JARID2: variants seen among roughly 807,000 people sequenced by gnomAD.
The protein encoded by JARID2 is jumonji and AT-rich interaction domain containing 2.
JARID2 carries 21 observed loss-of-function variants against 125.6 expected under a neutral mutation model. That is an observed-to-expected ratio of 0.17 (90% CI 0.12 to 0.24). The LOEUF is 0.24. Among genes scored for constraint, JARID2 ranks in the 10% least tolerant of loss-of-function variants. The probability of loss-of-function intolerance (pLI) is 1.00; values close to 1 mark genes in which losing one functional copy is unlikely to be tolerated. For missense variants in JARID2, 1,303 were observed against 1,639.6 expected (o/e 0.79, Z 3.55); for synonymous variants, 736 against 661.6 (o/e 1.11, Z -1.73).
intron 6 of JARID2, among the ~76,000 whole-genome samples, chr6:15,492,707 T>A (rs1770212081): frequency 6.6e-6 from 1 of 152,174 alleles, no homozygotes; most frequent in African/African-American, 2.4e-5. Flanking sequence ...AGCTCCCCTG[T>A]GGCCTCTCGT....
At chr6:15,355,496 GGTTA>G (rs1229828981) in intron 1 of JARID2, among the ~76,000 whole-genome samples, 2 of 152,024 alleles carry the variant, frequency 1.3e-5, no homozygotes, top group South Asian at 2.1e-4. Context: ...TTTGATTTTA[GGTTA>G]GTTGATTTAT....
intron 1 of JARID2, among the ~76,000 whole-genome samples, chr6:15,322,281 C>T (rs1418292586): frequency 1.3e-5 from 2 of 152,214 alleles, no homozygotes; most frequent in African/African-American, 4.8e-5. Context: ...GGCTTCTGTG[C>T]TTCTGATTCT....
intron 2 of JARID2, among the ~76,000 whole-genome samples, chr6:15,377,696 C>CTT (rs113284171): frequency 2.1e-5 from 3 of 146,094 alleles, no homozygotes; most frequent in African/African-American, 2.5e-5. Flanking sequence ...CATGGTGGCA[C>CTT]TTTTTTTTTT....
intron 1 of JARID2, among the ~76,000 whole-genome samples, chr6:15,320,385 G>C (rs1001454828): frequency 6.6e-6 from 1 of 152,238 alleles, no homozygotes; most frequent in Non-Finnish European, 1.5e-5. Flanking sequence ...TTCGTAGAAT[G>C]TAAGTGTGAG....
At chr6:15,309,402 CTAGGAATT>C (rs1761940942) in intron 1 of JARID2, among the ~76,000 whole-genome samples, 1 of 151,916 alleles carries the variant, frequency 6.6e-6, no homozygotes, top group Admixed American at 6.6e-5. Context: ...CACCCTGCTT[CTAGGAATT>C]TGGCCACAAG....
chr6:15,406,042 G>A (rs894658432), intron 2 of JARID2, among the ~76,000 whole-genome samples: 1 of 152,170 alleles, frequency 6.6e-6, no homozygotes, highest in Non-Finnish European at 1.5e-5. Flanking sequence ...AAATGTAAAT[G>A]TTTTCTGGGC....
chr6:15,470,036 G>C (rs1487070714), intron 5 of JARID2, among the ~76,000 whole-genome samples: 2 of 152,032 alleles, frequency 1.3e-5, no homozygotes, highest in African/African-American at 2.4e-5. Flanking sequence ...AATTAGCCGG[G>C]CATGGTGGTG....
At chr6:15,361,100 GT>G (rs1228199321) in intron 1 of JARID2, among the ~76,000 whole-genome samples, 3 of 152,186 alleles carry the variant, frequency 2.0e-5, no homozygotes, top group African/African-American at 7.2e-5. Flanking sequence ...TTCAGTGGAG[GT>G]GACTCCATTT....
At chr6:15,417,255 G>A (rs1336521931) in intron 3 of JARID2, among the ~76,000 whole-genome samples, 1 of 152,156 alleles carries the variant, frequency 6.6e-6, no homozygotes, top group Non-Finnish European at 1.5e-5. Context: ...GGGCCAGGCT[G>A]TGTGACTTCT....
chr6:15,356,108 C>G lies in JARID2; in HGVS notation c.46-18009C>G, dbSNP rs141013121. Among the ~76,000 whole-genome samples, 729 of 152,324 alleles carry G rather than the reference C, an allele frequency of 4.8e-3. 7 individuals carry two copies. Among genetic ancestry groups the G allele is most frequent in the African/African-American group, 0.016 (673 of 41,566 alleles). On this transcript the variant is annotated intron_variant, in intron 1 of 17. Transcript: ENST00000341776. ...CCTCTCTGCCTCCCTGTTTCCCTAG[C>G]TATGTTTTCAAGGTTCATCCACGCT... is the stretch of plus-strand genomic sequence containing the variant.
chr6:15,455,803 C>T (rs1581589145), intron 4 of JARID2, among the ~76,000 whole-genome samples: 1 of 152,352 alleles, frequency 6.6e-6, no homozygotes, highest in East Asian at 1.9e-4. Context: ...GCTGGGATTA[C>T]AGGCATGAGT....
In JARID2 at chr6:15,248,838, G is replaced by C. The variant is rs897110527; in HGVS notation, c.45+2254G>C. 15 of 892,394 alleles carry C rather than the reference G, an allele frequency of 1.7e-5. No individual in the cohort carries two copies. In the South Asian group the frequency reaches 6.1e-4, roughly 36 times the overall value. 55.3% of individuals were successfully genotyped at this position (892,394 alleles called of 1,614,324 possible). A position where few individuals can be genotyped will look rare whatever the true frequency, so the allele number is the denominator to read the frequency against. On this transcript the variant is annotated intron_variant, in intron 1 of 17. Coordinates refer to ENST00000341776, the MANE Select transcript of JARID2 (RefSeq NM_004973.4). ...GAGGCTCCAGGCGCGGCGGGGCGGC[G>C]GGGGGAGGAGGGAGCTGGGCGGGGG...
Position 15,374,202 on chromosome 6 carries a change from A to C in JARID2, c.131A>C (p.Gln44Pro). Residue 44 changes from glutamine (Q) to proline (P), a missense_variant, in exon 2 of 18, where the codon CAG becomes CCG. Gln to Pro is a moderately conservative substitution (Grantham distance 76, BLOSUM62 -1). Around this residue, in one of 11 missense-constraint regions of JARID2, gnomAD observed 93 missense variants for 120.4 expected, o/e 0.77. Coordinates refer to ENST00000341776, the MANE Select transcript of JARID2 (RefSeq NM_004973.4). ...YLSLKEFKNS[Q>P]KRQHAEGIAG... is the part of the protein sequence containing the mutation. ...TCTCTGAAGGAGTTCAAGAATTCCC[A>C]GAAGAGGCAGCATGCGGAAGGCATT... 2 of 1,614,164 alleles carry C rather than the reference A, an allele frequency of 1.2e-6. No homozygotes were observed. The highest frequency in any genetic ancestry group is 1.7e-6 in the Non-Finnish European group (2 of 1,179,996).
chr6:15,434,540 A>G (rs908251338), intron 3 of JARID2, among the ~76,000 whole-genome samples: 2 of 152,232 alleles, frequency 1.3e-5, no homozygotes, highest in African/African-American at 4.8e-5. Context: ...GAGGCTCTTC[A>G]CACCCCTGGG....
At chr6:15,360,141 T>G (rs545101323) in intron 1 of JARID2, among the ~76,000 whole-genome samples, 1 of 152,220 alleles carries the variant, frequency 6.6e-6, no homozygotes, top group Admixed American at 6.5e-5. Flanking sequence ...TTAGTCATTC[T>G]TTATATTTTA....
In JARID2 at chr6:15,496,832, C is replaced by T. The variant is rs749941345; in HGVS notation, c.1607C>T (p.Pro536Leu). 44 of 1,603,174 alleles carry T rather than the reference C, an allele frequency of 2.7e-5. No homozygotes were observed. The highest frequency in any genetic ancestry group is 3.4e-5 in the Admixed American group (2 of 59,462). Residue 536 changes from proline to leucine, a missense_variant, in exon 7 of 18, where the codon CCG becomes CTG. This residue lies in a region of JARID2 where 651 missense variants were observed against 581.6 expected (regional missense o/e 1.12). Transcript: ENST00000341776. ...STSQPESVHK[P>L]QDSGKAEKGG... ...TCGCAACCGGAGTCCGTGCACAAGC[C>T]GCAGGACTCGGGCAAGGCCGAGAAG... is the stretch of plus-strand genomic sequence containing the variant.
intron 2 of JARID2, among the ~76,000 whole-genome samples, chr6:15,407,554 T>C (rs978377782): frequency 6.6e-6 from 1 of 152,238 alleles, no homozygotes; most frequent in African/African-American, 2.4e-5. Context: ...CCAAAGGGTA[T>C]AGGAACCCTT....
rs762435222 is a variant in JARID2 at position 15,496,493 on chromosome 6, G to T, written c.1268G>T (p.Gly423Val). 2 of 1,609,864 alleles carry T rather than the reference G, an allele frequency of 1.2e-6. No individual in the cohort carries two copies. Among genetic ancestry groups the T allele is most frequent in the Admixed American group, 1.7e-5 (1 of 59,792 alleles). Residue 423 changes from glycine (G) to valine (V), a missense_variant, in exon 7 of 18, where the codon GGG becomes GTG. Around this residue, in one of 11 missense-constraint regions of JARID2, gnomAD observed 651 missense variants for 581.6 expected, o/e 1.12. Transcript: ENST00000341776. ...LNPKSCTKEV[G>V]GRQLREGLQL... ...CCAAAGTCATGCACTAAGGAGGTGGGGGGGCGGCAGCTGCGGGAGGGCCTG... is the reference window on the plus strand; with the variant it reads ...CCAAAGTCATGCACTAAGGAGGTGGTGGGGCGGCAGCTGCGGGAGGGCCTG...
chr6:15,429,180 A>G (rs1766866560), intron 3 of JARID2, among the ~76,000 whole-genome samples: 1 of 152,028 alleles, frequency 6.6e-6, no homozygotes, highest in South Asian at 2.1e-4. Context: ...TCTGCTGTGG[A>G]ATAACAATTT....
Sources: gnomAD v4.1 joint callset for allele counts (sites outside exome capture counted in the v4.1 genomes callset) on GRCh38, gnomAD v4.1.1 for gene constraint, gnomAD v4.1.1 regional missense constraint, MANE v1.5 for transcripts, NCBI Gene and HGNC (gene_info 2026-07-23, HGNC 2026-07-21) for gene names.